SERINC5: variants seen among roughly 807,000 people sequenced by gnomAD.
SERINC5 encodes the protein serine incorporator 5.
In SERINC5, 41 loss-of-function variants were observed where a neutral mutation model predicts 63.1. The observed-to-expected ratio is 0.65, with a 90% confidence interval of 0.51 to 0.84. The LOEUF is 0.84. Ranked by LOEUF, SERINC5 falls within the 40% of genes least tolerant of loss-of-function variation. The probability of loss-of-function intolerance (pLI) is 0.00; values close to 1 mark genes in which losing one functional copy is unlikely to be tolerated. For synonymous variants in SERINC5, 222 were observed against 215.2 expected (o/e 1.03, Z -0.28); for missense variants, 523 against 573.0 (o/e 0.91, Z 0.89).
intron 1 of SERINC5, among the ~76,000 whole-genome samples, chr5:80,224,932 T>G (rs1197263196): frequency 1.1e-4 from 8 of 72,406 alleles, no homozygotes; most frequent in African/African-American, 4.2e-4. Context: ...CGTTTTTTTT[T>G]TTGTTTTTTT....
At chr5:80,235,325 A>C (rs1751636433) in intron 1 of SERINC5, among the ~76,000 whole-genome samples, 1 of 152,228 alleles carries the variant, frequency 6.6e-6, no homozygotes, top group South Asian at 2.1e-4. Context: ...TTTTAACGGC[A>C]ACATATTTCA....
intron 1 of SERINC5, among the ~76,000 whole-genome samples, chr5:80,243,938 A>T (rs1246908053): frequency 1.3e-5 from 2 of 151,826 alleles, no homozygotes; most frequent in Non-Finnish European, 1.5e-5. Context: ...AAAGTGGGGG[A>T]TTTCTCTGAA....
chr5:80,144,786 A>G (rs1745714800), intron 11 of SERINC5, among the ~76,000 whole-genome samples: 1 of 152,250 alleles, frequency 6.6e-6, no homozygotes, highest in African/African-American at 2.4e-5. Context: ...CTGCTGGACT[A>G]TAAATCCTGC....
At chr5:80,130,716 C>T (rs2112254634) in intron 11 of SERINC5, among the ~76,000 whole-genome samples, 1 of 152,300 alleles carries the variant, frequency 6.6e-6, no homozygotes, top group East Asian at 1.9e-4. Flanking sequence ...CTTCACAAGG[C>T]ACTACGATGT....
At position 80,141,243 on chromosome 5, in the gene SERINC5, C is replaced by A. The variant is rs894815136; in HGVS notation, c.*2420G>T. 12 of 985,332 alleles carry A rather than the reference C, an allele frequency of 1.2e-5. No individual in the cohort carries two copies. The highest frequency in any genetic ancestry group is 6.1e-5 in the Admixed American group (1 of 16,262). 61.0% of individuals were successfully genotyped at this position (985,332 alleles called of 1,614,324 possible). A position where few individuals can be genotyped will look rare whatever the true frequency, so the allele number is the denominator to read the frequency against. On this transcript the variant is annotated 3_prime_UTR_variant, in exon 12 of 12. Transcript: ENST00000507668. Reference sequence around the variant, plus strand: ...CTGTAACTCTTCCTCTTGCATCAGACCAACCGGCAGAAGGGAACGGGATGT... The same window carrying A: ...CTGTAACTCTTCCTCTTGCATCAGAACAACCGGCAGAAGGGAACGGGATGT...
intron 1 of SERINC5, among the ~76,000 whole-genome samples, chr5:80,238,103 CAA>C (rs759062486): frequency 3.5e-4 from 23 of 65,654 alleles, no homozygotes; most frequent in Admixed American, 3.5e-4. Context: ...GACTCTGTCT[CAA>C]AAAAAAAAAA....
chr5:80,255,863 G>C (rs1376300064), intron 1 of SERINC5, 33 bp downstream of exon 1: 1 of 1,588,248 alleles, frequency 6.3e-7, no homozygotes, highest in Non-Finnish European at 8.5e-7. Context: ...TCTCCGATCT[G>C]ACAACCCCCG....
In SERINC5 at chr5:80,169,556, C is replaced by T. The variant is rs765313640; in HGVS notation, c.552-10G>A. On this transcript the variant is annotated splice_polypyrimidine_tract_variant and intron_variant, in intron 5 of 11. Transcript: ENST00000507668. Reference sequence around the variant, plus strand: ...GGCTGTGCCTGCTGTCCTGTTTCTCCGGGAAGTGGGTAAGAGGGAGAGGAG... The same window carrying T: ...GGCTGTGCCTGCTGTCCTGTTTCTCTGGGAAGTGGGTAAGAGGGAGAGGAG... 6.2e-7 allele frequency: 1 copy of T among 1,606,110 alleles called. No individual in the cohort carries two copies. Among genetic ancestry groups the T allele is most frequent in the Non-Finnish European group, 8.5e-7 (1 of 1,175,820 alleles).
chr5:80,143,468 C>A lies in SERINC5; in HGVS notation c.*195G>T. 1.5e-6 allele frequency: 2 copies of A among 1,339,174 alleles called. No homozygotes were observed. Among genetic ancestry groups the A allele is most frequent in the Middle Eastern group, 2.8e-4 (1 of 3,610 alleles). 83.0% of individuals were successfully genotyped at this position (1,339,174 alleles called of 1,614,324 possible). ...ATCAGTTTGGTTGAAAATTTCAATT[C>A]CTTTGGGACAAACTGGTAGTTTCTT... On this transcript the variant is annotated 3_prime_UTR_variant, in exon 12 of 12. Coordinates refer to ENST00000507668, the MANE Select transcript of SERINC5 (RefSeq NM_001174072.3).
chr5:80,121,616 C>A (rs2112234638), intron 11 of SERINC5, among the ~76,000 whole-genome samples: 1 of 152,148 alleles, frequency 6.6e-6, no homozygotes, highest in South Asian at 2.1e-4. Context: ...GTGTGTTAAT[C>A]CATTTTGCAT....
At chr5:80,129,895 CAGGCAATTTAAGCCA>C (rs1398005593) in intron 11 of SERINC5, among the ~76,000 whole-genome samples, 1 of 152,088 alleles carries the variant, frequency 6.6e-6, no homozygotes, top group Non-Finnish European at 1.5e-5. Context: ...CTAAATGTGC[CAGGCAATTTAAGCCA>C]CACTCCCACC....
chr5:80,146,537 C>T (rs1334204748), intron 10 of SERINC5, among the ~76,000 whole-genome samples: 1 of 152,204 alleles, frequency 6.6e-6, no homozygotes, highest in African/African-American at 2.4e-5. Context: ...ACTGCAACCT[C>T]CACCTCCCAG....
intron 1 of SERINC5, chr5:80,203,254 A>ACC: frequency 2.9e-6 from 1 of 343,436 alleles, no homozygotes; most frequent in Non-Finnish European, 5.4e-6. Flanking sequence ...AAATATATAT[A>ACC]CACATATATA....
chr5:80,239,467 CTTTTT>C (rs35238009), intron 1 of SERINC5, among the ~76,000 whole-genome samples: 3 of 133,948 alleles, frequency 2.2e-5, no homozygotes, highest in South Asian at 4.9e-4. Context: ...CACTGGGATT[CTTTTT>C]TTTTTTTTTT....
At chr5:80,180,499 C>T (rs922083455) in intron 2 of SERINC5, among the ~76,000 whole-genome samples, 1 of 152,146 alleles carries the variant, frequency 6.6e-6, no homozygotes, top group African/African-American at 2.4e-5. Flanking sequence ...AAATGAGAGA[C>T]TGAGGCAAGA....
chr5:80,167,455 G>A (rs1056655847), intron 6 of SERINC5, among the ~76,000 whole-genome samples: 4 of 152,142 alleles, frequency 2.6e-5, no homozygotes, highest in Non-Finnish European at 5.9e-5. Context: ...AGATTCCATA[G>A]TGTATATGTA....
intron 2 of SERINC5, among the ~76,000 whole-genome samples, chr5:80,180,143 A>G (rs2112424945): frequency 6.6e-6 from 1 of 152,208 alleles, no homozygotes; most frequent in East Asian, 1.9e-4. Context: ...AAATTAGAAG[A>G]CTTCCACATG....
intron 11 of SERINC5, among the ~76,000 whole-genome samples, chr5:80,117,596 T>C (rs931593248): frequency 6.7e-6 from 1 of 149,280 alleles, no homozygotes; most frequent in Admixed American, 6.7e-5. Flanking sequence ...CTTGTGGTTT[T>C]GCTCTTATAA....
In SERINC5 at chr5:80,180,846, G is replaced by C. The variant is rs562957578; in HGVS notation, c.196-2782C>G. 4.6e-5 allele frequency among the ~76,000 whole-genome samples: 7 copies of C among 152,302 alleles called. 1 individual carries two copies. In the South Asian group the frequency reaches 1.5e-3, roughly 32 times the overall value. On this transcript the variant is annotated intron_variant, in intron 2 of 11. Transcript: ENST00000507668. Reference sequence around the variant, plus strand: ...CACCTGGGAAGATAAGCTTGTAATGGGCATTGTCAGTGTGAAATGTAACAG... The same window carrying C: ...CACCTGGGAAGATAAGCTTGTAATGCGCATTGTCAGTGTGAAATGTAACAG...
Sources: gnomAD v4.1 joint callset for allele counts (sites outside exome capture counted in the v4.1 genomes callset) on GRCh38, gnomAD v4.1.1 for gene constraint, MANE v1.5 for transcripts, NCBI Gene and HGNC (gene_info 2026-07-23, HGNC 2026-07-21) for gene names.